Variants in GLG1 observed in about 807,000 individuals in gnomAD.
GLG1 encodes golgi glycoprotein 1.
A neutral mutation model predicts 160.5 loss-of-function variants in GLG1; 38 were observed. That is an observed-to-expected ratio of 0.24 (90% CI 0.18 to 0.31). The LOEUF is 0.31. Ranked by LOEUF, GLG1 falls within the 10% of genes least tolerant of loss-of-function variation. The probability of loss-of-function intolerance (pLI) is 1.00; values close to 1 mark genes in which losing one functional copy is unlikely to be tolerated. For missense variants in GLG1, 1,373 were observed against 1,505.2 expected (o/e 0.91, Z 1.45); for synonymous variants, 644 against 543.4 (o/e 1.19, Z -2.57).
Position 74,448,214 on chromosome 16 carries a change from G to T in GLG1, c.*4953C>A, listed in dbSNP as rs2014142366. ...AGTCTGTGGAGGAAGGACCAAGAAGGGGTGCAGTTAGAGGGATGAGCAACC... is the reference window on the plus strand; with the variant it reads ...AGTCTGTGGAGGAAGGACCAAGAAGTGGTGCAGTTAGAGGGATGAGCAACC... On this transcript the variant is annotated 3_prime_UTR_variant, in exon 26 of 26. Coordinates refer to ENST00000422840, the MANE Select transcript of GLG1 (RefSeq NM_001145667.2). 1 of 152,288 alleles carries T rather than the reference G, an allele frequency of 6.6e-6. No homozygotes were observed. The highest frequency in any genetic ancestry group is 1.5e-5 in the Non-Finnish European group (1 of 68,130). 9.4% of individuals were successfully genotyped at this position (152,288 alleles called of 1,614,324 possible). A position where few individuals can be genotyped will look rare whatever the true frequency, so the allele number is the denominator to read the frequency against.
intron 1 of GLG1, among the ~76,000 whole-genome samples, chr16:74,590,239 T>C (rs1035173820): frequency 6.6e-6 from 1 of 152,026 alleles, no homozygotes; most frequent in African/African-American, 2.4e-5. Flanking sequence ...GATCTCGTGA[T>C]CCGCCCACCT....
chr16:74,462,518 G>T lies in GLG1; in HGVS notation c.2904C>A (p.Ile968=), dbSNP rs753910247. 1.1e-5 allele frequency: 17 copies of T among 1,613,906 alleles called. No individual in the cohort carries two copies. The highest frequency in any genetic ancestry group is 1.4e-5 in the Non-Finnish European group (17 of 1,179,846). The change falls in exon 21 of 26, where the codon ATC becomes ATA. Residue 968 remains isoleucine (I), a synonymous_variant. Transcript: ENST00000422840. The part of the protein sequence containing the change: ...KDDSELEGQV[I]SCLKLRYADQ... ...CAGCATATCTCAGCTTCAGGCAAGA[G>T]ATGACTTGTCCTTCTAATTCTGAAT...
chr16:74,512,387 C>T (rs1046755964), intron 2 of GLG1, among the ~76,000 whole-genome samples: 3 of 151,846 alleles, frequency 2.0e-5, no homozygotes, highest in African/African-American at 4.8e-5. Flanking sequence ...CCTCAGCCTC[C>T]GTACTAGCTG....
intron 1 of GLG1, among the ~76,000 whole-genome samples, chr16:74,604,290 T>C (rs1351107932): frequency 6.6e-6 from 1 of 152,210 alleles, no homozygotes; most frequent in African/African-American, 2.4e-5. Context: ...TCCACATGAA[T>C]GAACTGATAT....
At chr16:74,600,683 G>A (rs1209037872) in intron 1 of GLG1, among the ~76,000 whole-genome samples, 1 of 133,744 alleles carries the variant, frequency 7.5e-6, no homozygotes, top group Admixed American at 8.2e-5. Context: ...AGTGAGCCAA[G>A]AATACGCCAT....
chr16:74,478,244 G>T (rs1260611374), intron 11 of GLG1, among the ~76,000 whole-genome samples: 1 of 152,122 alleles, frequency 6.6e-6, no homozygotes, highest in Non-Finnish European at 1.5e-5. Context: ...TCCAATTCAA[G>T]AGAGCATATA....
intron 3 of GLG1, among the ~76,000 whole-genome samples, chr16:74,505,128 T>C (rs914765634): frequency 1.3e-5 from 2 of 152,220 alleles, no homozygotes; most frequent in Admixed American, 1.3e-4. Context: ...ATCACAAGCA[T>C]GCCCATAGGG....
intron 3 of GLG1, among the ~76,000 whole-genome samples, chr16:74,508,247 T>C (rs945119766): frequency 6.6e-6 from 1 of 151,654 alleles, no homozygotes; most frequent in Admixed American, 6.6e-5. Context: ...TAGCAACTGT[T>C]TTCTCTGTGA....
intron 19 of GLG1, among the ~76,000 whole-genome samples, chr16:74,464,588 T>C (rs1416592777): frequency 6.6e-6 from 1 of 152,222 alleles, no homozygotes. Context: ...AGTGTGATTA[T>C]AACCTGCTGA....
chr16:74,507,084 G>T (rs1339102875), intron 3 of GLG1, among the ~76,000 whole-genome samples: 1 of 152,170 alleles, frequency 6.6e-6, no homozygotes, highest in Non-Finnish European at 1.5e-5. Flanking sequence ...CCAAAATTAA[G>T]AAAGATGATA....
Position 74,465,771 on chromosome 16 carries a change from G to A in GLG1, c.2572C>T (p.Arg858Cys), listed in dbSNP as rs375250447. 1.2e-6 allele frequency: 2 copies of A among 1,612,838 alleles called. No individual in the cohort carries two copies. Among genetic ancestry groups the A allele is most frequent in the African/African-American group, 2.7e-5 (2 of 74,972 alleles). Residue 858 changes from arginine to cysteine, a missense_variant, in exon 19 of 26, where the codon CGC becomes TGC. Arg to Cys is a radical substitution (Grantham distance 180, BLOSUM62 -3). Around this residue, in one of 4 missense-constraint regions of GLG1, gnomAD observed 491 missense variants for 632.1 expected, o/e 0.78. Transcript: ENST00000422840. ...AGCTTAAATACTTTTTGGTGGCAGC[G>A]GGTGCTTAGCTGCTTCTTGTTTTCT... Reference protein sequence around the residue: ...LKENKKQLSTRCHQKVFKLQE... With the variant: ...LKENKKQLSTCCHQKVFKLQE...
chr16:74,459,614 G>C, intron 23 of GLG1, 68 bp downstream of exon 23: 1 of 800,456 alleles, frequency 1.2e-6, no homozygotes, highest in South Asian at 1.6e-5. Flanking sequence ...GCAGACTACA[G>C]CATTAAAAGG....
intron 1 of GLG1, among the ~76,000 whole-genome samples, chr16:74,582,221 C>A (rs1478853487): frequency 6.6e-6 from 1 of 152,080 alleles, no homozygotes; most frequent in African/African-American, 2.4e-5. Flanking sequence ...GGGTGGAGTG[C>A]AATGGGGCAA....
chr16:74,576,165 C>T (rs1045007633), intron 1 of GLG1, among the ~76,000 whole-genome samples: 21 of 152,104 alleles, frequency 1.4e-4, no homozygotes, highest in African/African-American at 5.1e-4. Flanking sequence ...CCACTGCACT[C>T]CAGTCTGCGC....
chr16:74,498,530 G>A (rs1439625264), intron 4 of GLG1, among the ~76,000 whole-genome samples: 3 of 129,584 alleles, frequency 2.3e-5, no homozygotes, highest in Non-Finnish European at 4.8e-5. Flanking sequence ...TTAAAATCTT[G>A]TTATAATAAA....
At chr16:74,561,746 A>G (rs973253296) in intron 1 of GLG1, among the ~76,000 whole-genome samples, 4 of 152,200 alleles carry the variant, frequency 2.6e-5, no homozygotes, top group African/African-American at 9.6e-5. Context: ...CAGGCTATAA[A>G]TGCAATGTTA....
At chr16:74,532,213 G>C (rs1019220934) in intron 1 of GLG1, 60 bp from the exon 2 acceptor site, 2 of 605,662 alleles carry the variant, frequency 3.3e-6, no homozygotes, top group African/African-American at 2.0e-5. Context: ...TATATATATA[G>C]AGAACCTTTC....
chr16:74,563,708 C>G lies in GLG1; in HGVS notation c.439-31555G>C, dbSNP rs190732544. The stretch of plus-strand genomic sequence containing the variant: ...CGCCACTATTCTCCAGCCTGCGCAA[C>G]AGAGTGAGACCCTGTCTCAAAAAAA... On this transcript the variant is annotated intron_variant, in intron 1 of 25. Transcript: ENST00000422840. Among the ~76,000 whole-genome samples the G allele has an allele frequency of 9.6e-4, 132 of 138,072 alleles. 1 individual carries two copies. Among genetic ancestry groups the G allele is most frequent in the African/African-American group, 3.3e-3 (121 of 36,636 alleles). 90.6% of individuals were successfully genotyped at this position (138,072 alleles called of 152,430 possible).
intron 4 of GLG1, among the ~76,000 whole-genome samples, chr16:74,502,858 CCG>C (rs1479773790): frequency 1.3e-5 from 2 of 150,996 alleles, no homozygotes; most frequent in Non-Finnish European, 3.0e-5. Context: ...GCATGAGCCA[CCG>C]CGCCCGGCCA....
Sources: gnomAD v4.1 joint callset for allele counts (sites outside exome capture counted in the v4.1 genomes callset) on GRCh38, gnomAD v4.1.1 for gene constraint, gnomAD v4.1.1 regional missense constraint, MANE v1.5 for transcripts, NCBI Gene and HGNC (gene_info 2026-07-23, HGNC 2026-07-21) for gene names.